Variants in LDB2 observed in about 807,000 individuals in gnomAD.
LDB2 encodes the protein LIM domain binding 2, also known as LIM domain-binding protein 2.
In LDB2, 12 loss-of-function variants were observed where a neutral mutation model predicts 44.3. The observed-to-expected ratio is 0.27, with a 90% confidence interval of 0.17 to 0.44. LDB2 has a LOEUF of 0.44. Among genes scored for constraint, LDB2 ranks in the 20% least tolerant of loss-of-function variants. The pLI is 1.00. For synonymous variants in LDB2, 164 were observed against 174.8 expected (o/e 0.94, Z 0.49); for missense variants, 344 against 473.5 (o/e 0.73, Z 2.54).
chr4:16,763,437 C>T (rs570747342), intron 1 of LDB2, among the ~76,000 whole-genome samples: 12 of 124,502 alleles, frequency 9.6e-5, no homozygotes, highest in Non-Finnish European at 8.2e-5. Context: ...TATGTAAACA[C>T]GTACACACAC....
At chr4:16,551,068 A>G (rs1370757105) in intron 5 of LDB2, among the ~76,000 whole-genome samples, 1 of 152,230 alleles carries the variant, frequency 6.6e-6, no homozygotes, top group African/African-American at 2.4e-5. Flanking sequence ...AGAAATTCAT[A>G]TATTATTTCT....
intron 5 of LDB2, among the ~76,000 whole-genome samples, chr4:16,585,174 G>T (rs919668698): frequency 2.0e-5 from 3 of 152,128 alleles, no homozygotes; most frequent in Non-Finnish European, 4.4e-5. Flanking sequence ...TTCTGACTGC[G>T]GAGACCAGAG....
chr4:16,753,079 A>T (rs1213953162), intron 2 of LDB2, among the ~76,000 whole-genome samples: 1 of 152,166 alleles, frequency 6.6e-6, no homozygotes, highest in Non-Finnish European at 1.5e-5. Context: ...ACGGGTCTTA[A>T]ATTCTTGCAC....
At chr4:16,697,308 A>T (rs1021600745) in intron 2 of LDB2, among the ~76,000 whole-genome samples, 2 of 94,598 alleles carry the variant, frequency 2.1e-5, no homozygotes, top group Non-Finnish European at 4.7e-5. Context: ...CACACAAATT[A>T]GCCAGGCGTG....
chr4:16,615,561 C>T (rs751631291), intron 2 of LDB2, among the ~76,000 whole-genome samples: 4 of 151,870 alleles, frequency 2.6e-5, no homozygotes, highest in Non-Finnish European at 4.4e-5. Flanking sequence ...ACACTGAGAA[C>T]ACATGGACAC....
At chr4:16,869,488 A>G (rs982498774) in intron 1 of LDB2, among the ~76,000 whole-genome samples, 3 of 152,196 alleles carry the variant, frequency 2.0e-5, no homozygotes, top group Non-Finnish European at 2.9e-5. Flanking sequence ...ACTATGGAAC[A>G]GTATTAATTC....
chr4:16,856,487 C>T (rs1303121933), intron 1 of LDB2, among the ~76,000 whole-genome samples: 1 of 152,104 alleles, frequency 6.6e-6, no homozygotes, highest in Non-Finnish European at 1.5e-5. Context: ...TCAACAAAAA[C>T]CACGCGGTAA....
intron 2 of LDB2, among the ~76,000 whole-genome samples, chr4:16,721,771 G>C (rs916500649): frequency 2.0e-5 from 3 of 152,106 alleles, no homozygotes; most frequent in African/African-American, 4.8e-5. Flanking sequence ...TTACTCTGTC[G>C]ATAGGGTTGG....
chr4:16,730,662 A>G lies in LDB2; in HGVS notation c.235+28496T>C, dbSNP rs188497337. 5.0e-3 allele frequency among the ~76,000 whole-genome samples: 767 copies of G among 152,300 alleles called. 8 individuals carry two copies. The highest frequency in any genetic ancestry group is 6.5e-3 in the Non-Finnish European group (442 of 68,024). On this transcript the variant is annotated intron_variant, in intron 2 of 7. Coordinates refer to ENST00000304523, the MANE Select transcript of LDB2 (RefSeq NM_001290.5). ...CTTAGAGAGCTAAAGTCACTTGCCCAGTTAGGAAAGCATGGGACGGAATCA... is the reference window on the plus strand; with the variant it reads ...CTTAGAGAGCTAAAGTCACTTGCCCGGTTAGGAAAGCATGGGACGGAATCA...
intron 2 of LDB2, among the ~76,000 whole-genome samples, chr4:16,723,420 C>G (rs145883183): frequency 3.3e-5 from 5 of 152,118 alleles, no homozygotes; most frequent in Non-Finnish European, 7.4e-5. Context: ...GAGACCCACT[C>G]TCATGATAAC....
rs1561054768 is a variant in LDB2, at chr4:16,739,622, G to GTGTGTGTATATATGTATATATACATA, written c.235+19510_235+19535dup. On this transcript the variant is annotated intron_variant, in intron 2 of 7. Transcript: ENST00000304523. ...TATATATATATATGTATATATACAT[G>GTGTGTGTATATATGTATATATACATA]TGTGTGTATATATGTATATATACAT... 5.3e-3 allele frequency among the ~76,000 whole-genome samples: 232 copies of GTGTGTGTATATATGTATATATACATA among 44,094 alleles called. 22 individuals carry two copies. The highest frequency in any genetic ancestry group is 0.019 in the African/African-American group (166 of 8,774). The allele number at this position is 44,094 out of a possible 152,430, so 28.9% of individuals were successfully genotyped here. A position where few individuals can be genotyped will look rare whatever the true frequency, so the allele number is the denominator to read the frequency against.
chr4:16,886,785 C>G (rs920838093), intron 1 of LDB2, among the ~76,000 whole-genome samples: 1 of 151,994 alleles, frequency 6.6e-6, no homozygotes, highest in Non-Finnish European at 1.5e-5. Context: ...GTAATCCCAG[C>G]ACTTTGGGAG....
At chr4:16,887,303 G>A (rs145522032) in intron 1 of LDB2, among the ~76,000 whole-genome samples, 163 of 151,952 alleles carry the variant, frequency 1.1e-3, no homozygotes, top group African/African-American at 3.3e-3. Flanking sequence ...AGTTAGCCCC[G>A]CTTGGGTTTG....
chr4:16,575,121 T>C (rs1747844371), intron 5 of LDB2, among the ~76,000 whole-genome samples: 1 of 152,150 alleles, frequency 6.6e-6, no homozygotes, highest in Admixed American at 6.5e-5. Flanking sequence ...AGAGAAATGA[T>C]TAAACACATC....
At chr4:16,755,059 G>A (rs909877619) in intron 2 of LDB2, among the ~76,000 whole-genome samples, 5 of 152,216 alleles carry the variant, frequency 3.3e-5, no homozygotes, top group African/African-American at 4.8e-5. Flanking sequence ...TGTGAACCAC[G>A]TATTTCCTAA....
chr4:16,584,926 G>A (rs1175956364), intron 5 of LDB2, among the ~76,000 whole-genome samples: 1 of 152,238 alleles, frequency 6.6e-6, no homozygotes, highest in East Asian at 1.9e-4. Context: ...GTCTAGGATA[G>A]ACTTCAAAGT....
intron 5 of LDB2, among the ~76,000 whole-genome samples, chr4:16,556,020 C>T (rs541937106): frequency 2.0e-5 from 3 of 152,146 alleles, no homozygotes; most frequent in Non-Finnish European, 4.4e-5. Flanking sequence ...TTATGTTCTT[C>T]CCCTGTTTCT....
intron 1 of LDB2, among the ~76,000 whole-genome samples, chr4:16,813,809 TGTTC>T (rs1199819056): frequency 6.6e-6 from 1 of 152,182 alleles, no homozygotes; most frequent in Non-Finnish European, 1.5e-5. Context: ...CTGTTTGTTT[TGTTC>T]GTTTGGGCTT....
chr4:16,558,498 G>C (rs925930305), intron 5 of LDB2, among the ~76,000 whole-genome samples: 1 of 152,142 alleles, frequency 6.6e-6, no homozygotes, highest in Non-Finnish European at 1.5e-5. Context: ...AGCGAGAAGG[G>C]AAGTTTAGAG....
Sources: gnomAD v4.1 joint callset for allele counts (sites outside exome capture counted in the v4.1 genomes callset) on GRCh38, gnomAD v4.1.1 for gene constraint, MANE v1.5 for transcripts, NCBI Gene and HGNC (gene_info 2026-07-23, HGNC 2026-07-21) for gene names.